The following SEMA3F variants were observed in gnomAD, a reference collection of about 807,000 sequenced individuals.
SEMA3F encodes the protein semaphorin 3F.
In SEMA3F, 30 loss-of-function variants were observed where a neutral mutation model predicts 98.5. The ratio of observed to expected loss-of-function variants is 0.30; its 90% CI spans 0.23 to 0.41. SEMA3F has a LOEUF of 0.41. Ranked by LOEUF, SEMA3F falls within the 10% of genes least tolerant of loss-of-function variation. SEMA3F has a pLI of 1.00. For missense variants in SEMA3F, 866 were observed against 1,119.3 expected, an observed-to-expected ratio of 0.77 and a Z score of 3.23; for synonymous variants, 380 against 444.8, an observed-to-expected ratio of 0.85 and a Z score of 1.83.
upstream of SEMA3F, chr3:50,155,081 C>A: frequency 2.6e-6 from 1 of 390,352 alleles, no homozygotes; most frequent in South Asian, 3.8e-5. This position sits in a 1 kb window ranked among gnomAD's most constrained non-coding sequence, Gnocchi z 4.9. Context: ...CGCCGGCGGC[C>A]GCGAGACCAG....
intron 2 of SEMA3F, among the ~76,000 whole-genome samples, chr3:50,170,131 C>T (rs1265007810): frequency 2.0e-5 from 3 of 152,128 alleles, no homozygotes; most frequent in Non-Finnish European, 2.9e-5. Flanking sequence ...TACAGTCTGG[C>T]ATGAGTGGGG....
rs970362206 is a variant in SEMA3F, at chr3:50,176,768, G to A, written c.550G>A (p.Asp184Asn). The A allele has an allele frequency of 1.2e-6, 2 of 1,609,908 alleles. No homozygotes were observed. The highest frequency in any genetic ancestry group is 1.7e-6 in the Non-Finnish European group (2 of 1,177,246). Residue 184 changes from aspartate to asparagine, a missense_variant and splice_region_variant, in exon 7 of 19, where the codon GAT becomes AAT. By Grantham distance (23) the Asp-to-Asn change is conservative. Around this residue, in one of 3 missense-constraint regions of SEMA3F, gnomAD observed 247 missense variants for 276.0 expected, o/e 0.89. Transcript: ENST00000002829. The stretch of plus-strand genomic sequence containing the variant: ...TGCTGAGCCCCGCTCTGCCTTACAG[G>A]ATTACATCTTCTACCTGGAGCCTGA... ...LRPMPTAPRQ[D>N]YIFYLEPERL...
rs1218536514 is a variant in SEMA3F, at chr3:50,187,841, A to G, written c.2084A>G (p.His695Arg). The G allele has an allele frequency of 1.4e-5, 22 of 1,613,426 alleles. No homozygotes were observed. The highest frequency in any genetic ancestry group is 1.9e-5 in the Non-Finnish European group (22 of 1,179,992). Reference protein sequence around the residue: ...FKHVVTRVQLHVLGRDAVHAA... With the variant: ...FKHVVTRVQLRVLGRDAVHAA... ...CACGTCGTCACACGAGTGCAGCTGC[A>G]TGTACTGGGCCGGGACGCCGTCCAT... The change falls in exon 19 of 19, where the codon CAT becomes CGT. Residue 695 changes from histidine (H) to arginine (R), a missense_variant. By Grantham distance (29) the His-to-Arg change is conservative (BLOSUM62 0). This residue lies in a region of SEMA3F where 245 missense variants were observed against 260.5 expected (regional missense o/e 0.94). Coordinates refer to ENST00000002829, the MANE Select transcript of SEMA3F (RefSeq NM_004186.5).
chr3:50,161,555 C>T (rs1016072970), intron 2 of SEMA3F, among the ~76,000 whole-genome samples: 20 of 152,244 alleles, frequency 1.3e-4, no homozygotes, highest in Admixed American at 1.0e-3. Context: ...GGGGCTGCAG[C>T]GCACCTGGGG....
chr3:50,175,426 A>G (rs1698773557), intron 6 of SEMA3F, among the ~76,000 whole-genome samples: 1 of 152,252 alleles, frequency 6.6e-6, no homozygotes, highest in South Asian at 2.1e-4. Context: ...GGTGGGGAAG[A>G]CAGGAGCCCT....
intron 1 of SEMA3F, among the ~76,000 whole-genome samples, chr3:50,157,674 C>T (rs1295927156): frequency 6.6e-6 from 1 of 152,158 alleles, no homozygotes; most frequent in Non-Finnish European, 1.5e-5. Context: ...ACTGAGGCCC[C>T]AGCAAACTTG....
At chr3:50,168,409 C>T (rs1331768626) in intron 2 of SEMA3F, among the ~76,000 whole-genome samples, 1 of 152,186 alleles carries the variant, frequency 6.6e-6, no homozygotes, top group African/African-American at 2.4e-5. Flanking sequence ...AAGAGTGGGT[C>T]TGTGGGAGCC....
At chr3:50,173,594 A>G (rs750359183) in intron 2 of SEMA3F, among the ~76,000 whole-genome samples, 199 bp from the exon 3 acceptor site, 1 of 152,172 alleles carries the variant, frequency 6.6e-6, no homozygotes. Flanking sequence ...GTGAGCCGCA[A>G]TCTCGCTACT....
chr3:50,161,425 C>T (rs768016085), intron 2 of SEMA3F, among the ~76,000 whole-genome samples: 2 of 152,230 alleles, frequency 1.3e-5, no homozygotes, highest in Admixed American at 6.5e-5. Flanking sequence ...GCCTTGCCGG[C>T]GCCCACATCG....
Position 50,182,673 on chromosome 3 carries a change from C to T in SEMA3F, c.793C>T (p.Pro265Ser). Residue 265 changes from proline to serine, a missense_variant, in exon 9 of 19, where the codon CCT becomes TCT. Pro to Ser is a moderately conservative substitution (Grantham distance 74, BLOSUM62 -1). This residue lies in a region of SEMA3F where 374 missense variants were observed against 582.8 expected (regional missense o/e 0.64). Transcript: ENST00000002829. This position sits in a 1 kb window ranked among gnomAD's most constrained non-coding sequence, Gnocchi z 4.5. Reference protein sequence around the residue: ...DPSFIHAELIPDSAERNDDKL... With the variant: ...DPSFIHAELISDSAERNDDKL... ...GTCGTTCATCCATGCTGAGCTCATT[C>T]CTGACAGTGCGGAGCGCAATGATGA... The T allele has an allele frequency of 1.2e-6, 2 of 1,613,660 alleles. No homozygotes were observed. The highest frequency in any genetic ancestry group is 2.2e-5 in the East Asian group (1 of 44,884).
intron 2 of SEMA3F, among the ~76,000 whole-genome samples, chr3:50,165,197 AG>A (rs1009873825): frequency 6.6e-6 from 1 of 151,992 alleles, no homozygotes; most frequent in African/African-American, 2.4e-5. Flanking sequence ...GGGAGGTTGT[AG>A]GGGAGGGAAG....
intron 1 of SEMA3F, among the ~76,000 whole-genome samples, chr3:50,157,347 C>G (rs1256954503): frequency 6.6e-6 from 1 of 152,028 alleles, no homozygotes; most frequent in African/African-American, 2.4e-5. Flanking sequence ...TCTCTCCTCC[C>G]TCTCTCCTCC....
At chr3:50,168,084 G>T (rs552219596) in intron 2 of SEMA3F, among the ~76,000 whole-genome samples, 1 of 152,220 alleles carries the variant, frequency 6.6e-6, no homozygotes, top group Non-Finnish European at 1.5e-5. Context: ...AATTGGTTTT[G>T]TTGGCACCAA....
At chr3:50,185,744 G>C in intron 15 of SEMA3F, 37 bp downstream of exon 15, 2 of 1,613,296 alleles carry the variant, frequency 1.2e-6, no homozygotes, top group East Asian at 4.5e-5. Context: ...GTTGGGGACA[G>C]GGCCTGCATC....
At chr3:50,157,918 T>A (rs1018353578) in intron 1 of SEMA3F, among the ~76,000 whole-genome samples, 2 of 152,144 alleles carry the variant, frequency 1.3e-5, no homozygotes, top group African/African-American at 4.8e-5. Flanking sequence ...ATCGAAGCTC[T>A]CTGAGGGACT....
intron 2 of SEMA3F, chr3:50,173,566 C>T (rs1698692151): frequency 1.8e-6 from 1 of 548,208 alleles, no homozygotes; most frequent in African/African-American, 1.9e-5. Flanking sequence ...CGCTTGAACC[C>T]AGCAGATGGA....
chr3:50,169,065 G>A (rs1470490852), intron 2 of SEMA3F, among the ~76,000 whole-genome samples: 2 of 152,192 alleles, frequency 1.3e-5, no homozygotes, highest in Non-Finnish European at 2.9e-5. Flanking sequence ...GCTGCTTTGT[G>A]GGGCTATAAC....
At chr3:50,176,925 A>G (rs1431070503) in intron 7 of SEMA3F, 64 bp downstream of exon 7, 30 of 1,325,442 alleles carry the variant, frequency 2.3e-5, no homozygotes, top group African/African-American at 5.8e-5. Context: ...GAGATGGGGC[A>G]TGGCACCAAC....
intron 5 of SEMA3F, among the ~76,000 whole-genome samples, chr3:50,174,577 C>T (rs1228464394): frequency 1.3e-5 from 2 of 152,270 alleles, no homozygotes; most frequent in African/African-American, 4.8e-5. Context: ...GCTAAAGCTC[C>T]CAAAGCTCCT....
Sources: allele counts gnomAD v4.1 joint callset (sites outside exome capture counted in the v4.1 genomes callset), GRCh38; gene constraint gnomAD v4.1.1; regional missense constraint gnomAD v4.1.1; non-coding constraint Gnocchi (gnomAD v3.1); transcripts MANE v1.5; gene names NCBI Gene and HGNC (gene_info 2026-07-23, HGNC 2026-07-21).